The following ARNT2 variants were observed in gnomAD, a reference collection of about 807,000 sequenced individuals.
ARNT2 encodes the protein ARNT protein 2.
A neutral mutation model predicts 91.7 loss-of-function variants in ARNT2; 36 were observed. The ratio of observed to expected loss-of-function variants is 0.39; its 90% CI spans 0.30 to 0.52. The LOEUF is 0.52. Ranked by LOEUF, ARNT2 falls within the 20% of genes least tolerant of loss-of-function variation. The pLI is 0.72. For missense variants in ARNT2, 775 were observed against 939.3 expected (o/e 0.83, Z 2.29); for synonymous variants, 365 against 347.1 (o/e 1.05, Z -0.57).
chr15:80,417,548 C>CTTCTCCTTTCTT (rs1161049732), intron 1 of ARNT2, among the ~76,000 whole-genome samples: 1 of 62,908 alleles, frequency 1.6e-5, no homozygotes, highest in Non-Finnish European at 4.0e-5. Flanking sequence ...CCTTCTCTTC[C>CTTCTCCTTTCTT]TTCTCCTTTC....
intron 2 of ARNT2, among the ~76,000 whole-genome samples, chr15:80,452,294 G>C (rs912635598): frequency 3.9e-5 from 6 of 152,210 alleles, no homozygotes; most frequent in African/African-American, 1.4e-4. Flanking sequence ...GCTGGGTGCT[G>C]ATACAGCCAC....
At chr15:80,448,033 C>T (rs753542018) in intron 1 of ARNT2, among the ~76,000 whole-genome samples, 10 of 152,196 alleles carry the variant, frequency 6.6e-5, no homozygotes, top group Non-Finnish European at 1.3e-4. Flanking sequence ...TGCTTACCAT[C>T]AGCATAATCA....
intron 5 of ARNT2, among the ~76,000 whole-genome samples, chr15:80,499,669 G>A (rs1238864179): frequency 6.6e-6 from 1 of 152,194 alleles, no homozygotes. Context: ...ACTCTGATTG[G>A]CCTGGTTGGA....
chr15:80,489,978 CT>C (rs1897030890), intron 5 of ARNT2, among the ~76,000 whole-genome samples: 2 of 152,162 alleles, frequency 1.3e-5, no homozygotes, highest in Non-Finnish European at 2.9e-5. Flanking sequence ...CTGGCGTGGT[CT>C]GGGTACTCAG....
intron 17 of ARNT2, among the ~76,000 whole-genome samples, chr15:80,583,265 C>T (rs1016996929): frequency 5.3e-5 from 8 of 152,244 alleles, no homozygotes; most frequent in East Asian, 1.9e-4. Flanking sequence ...AGAGCTAACA[C>T]GCAACCGTGG....
chr15:80,590,613 G>A (rs1414846686), intron 17 of ARNT2, among the ~76,000 whole-genome samples: 2 of 152,214 alleles, frequency 1.3e-5, no homozygotes, highest in Non-Finnish European at 2.9e-5. Flanking sequence ...AATGTGGCAT[G>A]AGCCTGTAGT....
chr15:80,444,844 A>T (rs988893381), intron 1 of ARNT2: 3 of 136,782 alleles, frequency 2.2e-5, no homozygotes, highest in Non-Finnish European at 3.2e-5. Context: ...AATGGTGTGT[A>T]TGTGTTGAGT....
chr15:80,463,125 A>G (rs1448718632), intron 3 of ARNT2, among the ~76,000 whole-genome samples: 1 of 152,232 alleles, frequency 6.6e-6, no homozygotes, highest in Non-Finnish European at 1.5e-5. Flanking sequence ...CTTAGCCTAG[A>G]GAGTGGGTTA....
At chr15:80,568,143 A>G (rs1898520146) in intron 12 of ARNT2, among the ~76,000 whole-genome samples, 1 of 152,232 alleles carries the variant, frequency 6.6e-6, no homozygotes, top group Non-Finnish European at 1.5e-5. Flanking sequence ...TCCATCAAAT[A>G]TGGAATGAGG....
chr15:80,547,335 A>G (rs1358413058), intron 8 of ARNT2, among the ~76,000 whole-genome samples: 8 of 152,176 alleles, frequency 5.3e-5, no homozygotes. Flanking sequence ...CTTGCAATTA[A>G]AAAATAATTT....
At chr15:80,460,496 C>A (rs1365878254) in intron 3 of ARNT2, among the ~76,000 whole-genome samples, 1 of 152,232 alleles carries the variant, frequency 6.6e-6, no homozygotes, top group Non-Finnish European at 1.5e-5. Context: ...ATTCCAGGAT[C>A]CCGCCTGCCA....
intron 8 of ARNT2, among the ~76,000 whole-genome samples, chr15:80,540,349 C>T (rs1897886740): frequency 6.6e-6 from 1 of 152,142 alleles, no homozygotes; most frequent in Admixed American, 6.6e-5. Flanking sequence ...TGATAGCCAT[C>T]TTAATGGGTG....
rs996643314 is a variant in ARNT2 at position 80,477,385 on chromosome 15, A to T, written c.622+2162A>T. 9.8e-5 allele frequency among the ~76,000 whole-genome samples: 15 copies of T among 152,340 alleles called. 4 individuals carry two copies. On this transcript the variant is annotated intron_variant, in intron 5 of 18. Coordinates refer to ENST00000303329, the MANE Select transcript of ARNT2 (RefSeq NM_014862.4). ...GGAAGGGACTAGCTATCTATCTGGG[A>T]TCTGTTTTATAACAGTACCTAATCA...
intron 12 of ARNT2, among the ~76,000 whole-genome samples, chr15:80,564,427 C>A (rs1218313851): frequency 6.6e-6 from 1 of 152,138 alleles, no homozygotes; most frequent in Admixed American, 6.5e-5. Flanking sequence ...CAGGCAACAC[C>A]ACCCTCTGAG....
Position 80,595,743 on chromosome 15 carries a change from G to C in ARNT2, c.*2045G>C, listed in dbSNP as rs1046956717. On this transcript the variant is annotated 3_prime_UTR_variant, in exon 19 of 19. Transcript: ENST00000303329. The stretch of plus-strand genomic sequence containing the variant: ...ACCTCAGAGGCTTTCTTGCTTCTGG[G>C]GAAATGGCAGGTGGTTGAAACCCTG... The C allele has an allele frequency of 6.6e-6, 1 of 152,214 alleles. No homozygotes were observed. Among genetic ancestry groups the C allele is most frequent in the Non-Finnish European group, 1.5e-5 (1 of 68,058 alleles). The allele number at this position is 152,214 out of a possible 1,614,324, so 9.4% of individuals were successfully genotyped here. A position where few individuals can be genotyped will look rare whatever the true frequency, so the allele number is the denominator to read the frequency against.
At position 80,591,332 on chromosome 15, in the gene ARNT2, C is replaced by T. The variant is rs938798830; in HGVS notation, c.1919-236C>T. Among the ~76,000 whole-genome samples the T allele has an allele frequency of 2.6e-5, 4 of 152,202 alleles. No homozygotes were observed. The highest frequency in any genetic ancestry group is 2.0e-4 in the Admixed American group (3 of 15,288). On this transcript the variant is annotated intron_variant, in intron 17 of 18. Coordinates refer to ENST00000303329, the MANE Select transcript of ARNT2 (RefSeq NM_014862.4). This position sits in a 1 kb window ranked among gnomAD's most constrained non-coding sequence, Gnocchi z 5.1. ...ACCTGGCAGGTGACCTCAGGAAGAG[C>T]CATCCTCTCTGGCCAAGTACCTGCA...
At chr15:80,444,609 ATGTGTGTTG>A (rs1310770625) in intron 1 of ARNT2, 1 of 139,982 alleles carries the variant, frequency 7.1e-6, no homozygotes, top group Non-Finnish European at 1.5e-5. Context: ...TGTATGAGCA[ATGTGTGTTG>A]TGTTTGTGAA....
intron 5 of ARNT2, among the ~76,000 whole-genome samples, chr15:80,482,442 C>T (rs1896904997): frequency 6.6e-6 from 1 of 152,120 alleles, no homozygotes; most frequent in Admixed American, 6.5e-5. Flanking sequence ...TTATCGGCCC[C>T]ATTTCACAGG....
intron 8 of ARNT2, among the ~76,000 whole-genome samples, chr15:80,520,699 A>G (rs975945035): frequency 3.3e-5 from 5 of 152,202 alleles, no homozygotes; most frequent in Non-Finnish European, 7.3e-5. Context: ...ACCAAATTGG[A>G]TATGTTAATT....
Sources: gnomAD v4.1 joint callset for allele counts (sites outside exome capture counted in the v4.1 genomes callset) on GRCh38, gnomAD v4.1.1 for gene constraint, Gnocchi (gnomAD v3.1) non-coding constraint, MANE v1.5 for transcripts, NCBI Gene and HGNC (gene_info 2026-07-23, HGNC 2026-07-21) for gene names.